The following RUNX1T1 variants were observed in gnomAD, a reference collection of about 807,000 sequenced individuals.
The protein encoded by RUNX1T1 is protein CBFA2T1.
Under a neutral mutation model 62.8 loss-of-function variants are expected in RUNX1T1, and 4 were observed. The ratio of observed to expected loss-of-function variants is 0.06; its 90% CI spans 0.03 to 0.15. The LOEUF (loss-of-function observed/expected upper bound fraction) is 0.15, where lower values mean the gene tolerates loss of function less well. Among genes scored for constraint, RUNX1T1 ranks in the 10% least tolerant of loss-of-function variants. The pLI is 1.00. For synonymous variants in RUNX1T1, 291 were observed against 286.0 expected (o/e 1.02, Z -0.18); for missense variants, 508 against 754.3 (o/e 0.67, Z 3.82).
intron 1 of RUNX1T1, among the ~76,000 whole-genome samples, chr8:92,090,712 A>G (rs1261223417): frequency 2.0e-5 from 3 of 152,212 alleles, no homozygotes; most frequent in Non-Finnish European, 4.4e-5. Context: ...TTTTCAGAGA[A>G]TAAGGTCCTA....
chr8:92,054,680 C>T (rs1563857763), intron 1 of RUNX1T1, among the ~76,000 whole-genome samples: 1 of 152,118 alleles, frequency 6.6e-6, no homozygotes, highest in Admixed American at 6.5e-5. Context: ...ATAATATAAA[C>T]CCAAGTCACA....
chr8:92,054,570 C>T (rs1563857511), intron 1 of RUNX1T1, among the ~76,000 whole-genome samples: 2 of 152,158 alleles, frequency 1.3e-5, no homozygotes, highest in Admixed American at 6.5e-5. Flanking sequence ...CTCTGGCAGA[C>T]TGTAAATGGA....
intron 10 of RUNX1T1, among the ~76,000 whole-genome samples, chr8:91,966,895 AAAAT>A (rs1159733784): frequency 6.6e-6 from 1 of 152,172 alleles, no homozygotes; most frequent in East Asian, 1.9e-4. Flanking sequence ...AGTCCAGTGA[AAAAT>A]AGATACAGTA....
chr8:92,073,373 GCCCC>G (rs1254457161), intron 2 of RUNX1T1, among the ~76,000 whole-genome samples: 1 of 151,754 alleles, frequency 6.6e-6, no homozygotes, highest in South Asian at 2.1e-4. Context: ...CCACCCTCCT[GCCCC>G]CCAGCCTCTG....
At chr8:92,012,353 G>C (rs1003313805) in intron 3 of RUNX1T1, among the ~76,000 whole-genome samples, 1 of 152,108 alleles carries the variant, frequency 6.6e-6, no homozygotes, top group Non-Finnish European at 1.5e-5. Flanking sequence ...AGACCAGCCA[G>C]AGCATCAAAG....
chr8:91,966,772 T>G, intron 10 of RUNX1T1, among the ~76,000 whole-genome samples: 1 of 152,206 alleles, frequency 6.6e-6, no homozygotes, highest in East Asian at 1.9e-4. Flanking sequence ...ACAGTAAGCA[T>G]CACATTGCTT....
rs116331611 is a variant in RUNX1T1 at position 91,977,307 on chromosome 8, C to T, written c.1199-1334G>A. The T allele has an allele frequency of 9.3e-3, 1,800 of 193,496 alleles. 25 individuals carry two copies. Among genetic ancestry groups the T allele is most frequent in the African/African-American group, 0.039 (1,679 of 43,232 alleles). The allele number at this position is 193,496 out of a possible 1,614,324, so 12.0% of individuals were successfully genotyped here. A position where few individuals can be genotyped will look rare whatever the true frequency, so the allele number is the denominator to read the frequency against. ...TTCCAAATATTTAAAAGTTTATTTT[C>T]AAAAGTTTACACTGTGATGTCATGA... On this transcript the variant is annotated intron_variant, in intron 8 of 10. Transcript: ENST00000396218.
At position 91,986,978 on chromosome 8, in the gene RUNX1T1, A is replaced by G; in HGVS notation, c.911-6T>C. The G allele has an allele frequency of 6.3e-7, 1 of 1,592,076 alleles. No homozygotes were observed. Among genetic ancestry groups the G allele is most frequent in the Middle Eastern group, 1.7e-4 (1 of 6,016 alleles). ...TTGACGTGTGCCATGCAACCCTACA[A>G]AAATAGAGAAGGCTGAATAACCCTA... On this transcript the variant is annotated splice_polypyrimidine_tract_variant and splice_region_variant and intron_variant, in intron 6 of 10. Transcript: ENST00000396218.
At chr8:92,007,204 G>A (rs968591569) in intron 4 of RUNX1T1, among the ~76,000 whole-genome samples, 2 of 152,034 alleles carry the variant, frequency 1.3e-5, no homozygotes, top group East Asian at 1.9e-4. Flanking sequence ...GCTTGCTCAC[G>A]CCTGTAATCC....
At chr8:92,087,064 C>T (rs2130867955) in intron 1 of RUNX1T1, among the ~76,000 whole-genome samples, 2 of 152,214 alleles carry the variant, frequency 1.3e-5, no homozygotes, top group Admixed American at 1.3e-4. Context: ...CTCCTCTGTT[C>T]AAAAGACGCC....
At chr8:91,993,821 G>A (rs3779763) in intron 5 of RUNX1T1, among the ~76,000 whole-genome samples, 6 of 152,064 alleles carry the variant, frequency 3.9e-5, no homozygotes, top group East Asian at 1.9e-4. Flanking sequence ...GTGAAACCTC[G>A]CCTCTACTAA....
intron 3 of RUNX1T1, among the ~76,000 whole-genome samples, chr8:92,011,607 G>A (rs1332488373): frequency 6.6e-6 from 1 of 152,130 alleles, no homozygotes; most frequent in Non-Finnish European, 1.5e-5. Flanking sequence ...TGCTCAGGGT[G>A]AACATCAAAG....
chr8:92,063,414 C>T (rs545625726), upstream of RUNX1T1: 1 of 152,146 alleles, frequency 6.6e-6, no homozygotes, highest in Non-Finnish European at 1.5e-5. Context: ...ACAAAATCTT[C>T]ATTGTAAAGC....
At chr8:92,041,944 G>C (rs1420882506) in intron 1 of RUNX1T1, among the ~76,000 whole-genome samples, 1 of 151,094 alleles carries the variant, frequency 6.6e-6, no homozygotes, top group African/African-American at 2.4e-5. Flanking sequence ...TCAGCCTCCT[G>C]AATAGCTGGG....
chr8:91,968,952 T>G (rs1459980758), intron 10 of RUNX1T1, among the ~76,000 whole-genome samples: 17 of 152,248 alleles, frequency 1.1e-4, no homozygotes, highest in Non-Finnish European at 5.9e-5. Context: ...AGCCAGGAAT[T>G]AAGTTTGACC....
chr8:91,988,797 T>C (rs73698204), intron 6 of RUNX1T1, among the ~76,000 whole-genome samples: 3,932 of 152,266 alleles, frequency 0.026, 166 homozygotes, highest in African/African-American at 0.089. Context: ...TAAAAAAATA[T>C]TAAGTGCATT....
intron 1 of RUNX1T1, among the ~76,000 whole-genome samples, chr8:92,060,522 A>AATATATATATATAT (rs61066655): frequency 8.7e-4 from 66 of 76,268 alleles, no homozygotes; most frequent in Non-Finnish European, 1.4e-3. Flanking sequence ...TCAACTACCA[A>AATATATATATATAT]ATATATATAT....
chr8:92,096,220 T>TA (rs992119296), intron 1 of RUNX1T1, among the ~76,000 whole-genome samples: 4 of 152,166 alleles, frequency 2.6e-5, no homozygotes, highest in African/African-American at 7.2e-5. Context: ...AGGTGACTCT[T>TA]AGAGACCTGC....
At chr8:92,102,741 G>C (rs1470587036), upstream of RUNX1T1, 3 of 1,091,500 alleles carry the variant, frequency 2.7e-6, no homozygotes, top group Non-Finnish European at 3.8e-6. This position sits in a 1 kb window ranked among gnomAD's most constrained non-coding sequence, Gnocchi z 4.5. Flanking sequence ...ACAGCCTGGA[G>C]CCTCGCGGTC....
Sources: gnomAD v4.1 joint callset for allele counts (sites outside exome capture counted in the v4.1 genomes callset) on GRCh38, gnomAD v4.1.1 for gene constraint, Gnocchi (gnomAD v3.1) non-coding constraint, MANE v1.5 for transcripts, NCBI Gene and HGNC (gene_info 2026-07-23, HGNC 2026-07-21) for gene names.